Variants in LMX1A observed in about 807,000 individuals in gnomAD.
LMX1A encodes LIM homeobox transcription factor 1 alpha.
In LMX1A, 15 loss-of-function variants were observed where a neutral mutation model predicts 49.1. The observed-to-expected ratio is 0.31, with a 90% CI of 0.20 to 0.47. LMX1A has a LOEUF of 0.47. Ranked by LOEUF, LMX1A falls within the 20% of genes least tolerant of loss-of-function variation. The pLI, the probability that LMX1A is intolerant of heterozygous loss-of-function variation, is 1.00. For synonymous variants in LMX1A, 167 were observed against 185.7 expected, an observed-to-expected ratio of 0.90 and a Z score of 0.82; for missense variants, 372 against 475.8, an observed-to-expected ratio of 0.78 and a Z score of 2.03.
At chr1:165,256,931 G>A (rs148092272) in intron 3 of LMX1A, among the ~76,000 whole-genome samples, 278 of 151,910 alleles carry the variant, frequency 1.8e-3, no homozygotes, top group African/African-American at 6.6e-3. Context: ...GACACCCTAG[G>A]GACTCCTGGA....
chr1:165,240,174 A>C (rs1652596629), intron 4 of LMX1A, among the ~76,000 whole-genome samples: 1 of 152,226 alleles, frequency 6.6e-6, no homozygotes, highest in Non-Finnish European at 1.5e-5. Flanking sequence ...CTAGCTTATG[A>C]TAAAAAATGT....
chr1:165,350,830 T>A (rs916994134), intron 3 of LMX1A, among the ~76,000 whole-genome samples: 8 of 152,218 alleles, frequency 5.3e-5, no homozygotes, highest in Non-Finnish European at 1.2e-4. Context: ...AAAATATTTT[T>A]AAAATAAAAT....
At position 165,215,155 on chromosome 1, in the gene LMX1A, C is replaced by T. The variant is rs552308977; in HGVS notation, c.497-1342G>A. The stretch of plus-strand genomic sequence containing the variant: ...CAAAGCTCCGTCTCTACTAAAAATA[C>T]AAAAAATTAGCTGGATGTGGTGGTG... On this transcript the variant is annotated intron_variant, in intron 4 of 8. Coordinates refer to ENST00000342310, the MANE Select transcript of LMX1A (RefSeq NM_177398.4). 7.2e-5 allele frequency among the ~76,000 whole-genome samples: 11 copies of T among 152,080 alleles called. No homozygotes were observed. In the East Asian group the frequency reaches 1.5e-3, roughly 21 times the overall value.
chr1:165,224,280 C>T lies in LMX1A; in HGVS notation c.497-10467G>A, dbSNP rs569983656. On this transcript the variant is annotated intron_variant, in intron 4 of 8. Coordinates refer to ENST00000342310, the MANE Select transcript of LMX1A (RefSeq NM_177398.4). The stretch of plus-strand genomic sequence containing the variant: ...GATGCCTCCATGCTTCCTGTACAGC[C>T]TCTGGAACCATGAGCCAATCAAAAC... 8.5e-5 allele frequency among the ~76,000 whole-genome samples: 13 copies of T among 152,322 alleles called. No homozygotes were observed. In the South Asian group the frequency reaches 2.7e-3, roughly 32 times the overall value.
At chr1:165,342,376 T>C (rs796560247) in intron 3 of LMX1A, among the ~76,000 whole-genome samples, 3 of 152,246 alleles carry the variant, frequency 2.0e-5, no homozygotes, top group African/African-American at 7.2e-5. Flanking sequence ...GCTCCGGATA[T>C]GATATTCAAC....
At chr1:165,341,121 T>A (rs1034570260) in intron 3 of LMX1A, among the ~76,000 whole-genome samples, 1 of 152,208 alleles carries the variant, frequency 6.6e-6, no homozygotes, top group Non-Finnish European at 1.5e-5. Context: ...AAATCCCTGC[T>A]GGCTGCCTAC....
chr1:165,293,187 A>T (rs942803419), intron 3 of LMX1A, among the ~76,000 whole-genome samples: 3 of 152,100 alleles, frequency 2.0e-5, no homozygotes, highest in Non-Finnish European at 4.4e-5. Flanking sequence ...AAGACACTAG[A>T]CCAGATGTCC....
intron 3 of LMX1A, among the ~76,000 whole-genome samples, chr1:165,260,366 G>C (rs1333243683): frequency 1.3e-5 from 2 of 152,072 alleles, no homozygotes; most frequent in Non-Finnish European, 2.9e-5. Flanking sequence ...GTGTGTGCAT[G>C]TGTGTGTGAT....
chr1:165,262,640 AC>A (rs1184047691), intron 3 of LMX1A, among the ~76,000 whole-genome samples: 1 of 152,058 alleles, frequency 6.6e-6, no homozygotes, highest in Non-Finnish European at 1.5e-5. Context: ...TAACTCTTCC[AC>A]TTAGGTGCTA....
intron 4 of LMX1A, among the ~76,000 whole-genome samples, chr1:165,240,220 C>A (rs1557859994): frequency 6.6e-6 from 1 of 152,040 alleles, no homozygotes; most frequent in Non-Finnish European, 1.5e-5. Flanking sequence ...ACCATAGAGT[C>A]TTTTGAAAAC....
intron 3 of LMX1A, among the ~76,000 whole-genome samples, chr1:165,313,707 T>G (rs1374601570): frequency 6.6e-6 from 1 of 152,070 alleles, no homozygotes; most frequent in African/African-American, 2.4e-5. Flanking sequence ...CCTTCTGCCT[T>G]CAGCTCTTCT....
chr1:165,278,726 C>T (rs1369381450), intron 3 of LMX1A, among the ~76,000 whole-genome samples: 1 of 152,168 alleles, frequency 6.6e-6, no homozygotes, highest in Admixed American at 6.5e-5. Flanking sequence ...ACCCTCTGCT[C>T]CAGGGGACTG....
intron 3 of LMX1A, among the ~76,000 whole-genome samples, chr1:165,265,086 TC>T (rs1175556037): frequency 6.6e-6 from 1 of 151,286 alleles, no homozygotes; most frequent in Non-Finnish European, 1.5e-5. Context: ...CACCTGTAGT[TC>T]CGGCTACTCA....
intron 2 of LMX1A, among the ~76,000 whole-genome samples, chr1:165,353,887 C>T (rs763191590): frequency 6.6e-6 from 1 of 152,064 alleles, no homozygotes; most frequent in Non-Finnish European, 1.5e-5. Flanking sequence ...AACTAAGAAG[C>T]GTCAAAACAG....
intron 3 of LMX1A, among the ~76,000 whole-genome samples, chr1:165,289,344 G>A (rs1011056744): frequency 2.0e-5 from 3 of 152,000 alleles, no homozygotes; most frequent in African/African-American, 7.3e-5. Context: ...TCCTTCGTTT[G>A]CTGATATGAG....
At chr1:165,339,794 C>T (rs1357326414) in intron 3 of LMX1A, among the ~76,000 whole-genome samples, 3 of 152,026 alleles carry the variant, frequency 2.0e-5, no homozygotes, top group African/African-American at 4.8e-5. Context: ...CCCAGATGTG[C>T]CCCTCACCCT....
chr1:165,318,409 A>G (rs896474068), intron 3 of LMX1A, among the ~76,000 whole-genome samples: 2 of 151,456 alleles, frequency 1.3e-5, no homozygotes, highest in African/African-American at 4.9e-5. Flanking sequence ...GGGTCAAAAG[A>G]GAAGTCAGAA....
Position 165,343,395 on chromosome 1 carries a change from A to AAATAAT in LMX1A, c.263+9675_263+9680dup, listed in dbSNP as rs56236301. ...TATGTATAAGCTTTTACTCATATAT[A>AAATAAT]AATAATAATAATAATAATAATAATA... On this transcript the variant is annotated intron_variant, in intron 3 of 8. Transcript: ENST00000342310. 6.0e-3 allele frequency among the ~76,000 whole-genome samples: 894 copies of AAATAAT among 149,256 alleles called. 7 individuals are homozygous for AAATAAT. Among genetic ancestry groups the AAATAAT allele is most frequent in the African/African-American group, 0.013 (509 of 40,606 alleles).
intron 3 of LMX1A, among the ~76,000 whole-genome samples, chr1:165,318,868 G>A (rs1655295429): frequency 6.6e-6 from 1 of 152,104 alleles, no homozygotes; most frequent in Non-Finnish European, 1.5e-5. Flanking sequence ...TACCATCTCT[G>A]TACTGCCTAT....
Sources: gnomAD v4.1 joint callset for allele counts (sites outside exome capture counted in the v4.1 genomes callset) on GRCh38, gnomAD v4.1.1 for gene constraint, MANE v1.5 for transcripts, NCBI Gene and HGNC (gene_info 2026-07-23, HGNC 2026-07-21) for gene names.